ZBTB2: variants seen among roughly 807,000 people sequenced by gnomAD.
ZBTB2 encodes zinc finger and BTB domain containing 2, also known as zinc finger and BTB domain-containing protein 2.
Under a neutral mutation model 39.5 loss-of-function variants are expected in ZBTB2, and 2 were observed. The ratio of observed to expected loss-of-function variants is 0.05; its 90% CI spans 0.02 to 0.16. The LOEUF (loss-of-function observed/expected upper bound fraction) is 0.16, where lower values mean the gene tolerates loss of function less well. ZBTB2 is among the 10% of genes least tolerant of loss of function. The pLI, the probability that ZBTB2 is intolerant of heterozygous loss-of-function variation, is 1.00. For missense variants in ZBTB2, 391 were observed against 653.0 expected (o/e 0.60, Z 4.37); for synonymous variants, 251 against 256.6 (o/e 0.98, Z 0.21).
chr6:151,388,684 T>C (rs2077547430), intron 1 of ZBTB2, among the ~76,000 whole-genome samples: 1 of 152,210 alleles, frequency 6.6e-6, no homozygotes, highest in African/African-American at 2.4e-5. Context: ...CATTTTTCTA[T>C]TATTTTATAT....
chr6:151,372,084 A>G (rs1307819778), intron 2 of ZBTB2, among the ~76,000 whole-genome samples: 2 of 152,200 alleles, frequency 1.3e-5, no homozygotes, highest in African/African-American at 4.8e-5. Flanking sequence ...AGCAGAGGCG[A>G]GATCTAGGAA....
At chr6:151,373,870 A>AAAC (rs1554336607) in intron 1 of ZBTB2, among the ~76,000 whole-genome samples, 1,426 of 123,594 alleles carry the variant, frequency 0.012, 39 homozygotes, top group South Asian at 0.028. Flanking sequence ...AAAAAAAAAA[A>AAAC]AAAAAAACCA....
chr6:151,373,741 T>C, intron 1 of ZBTB2, 92 bp from the exon 2 acceptor site: 8 of 1,214,206 alleles, frequency 6.6e-6, no homozygotes, highest in East Asian at 2.6e-5. Context: ...ATAGCTAACA[T>C]GTCATCATAG....
At chr6:151,372,334 C>A (rs375885114) in intron 2 of ZBTB2, among the ~76,000 whole-genome samples, 1 of 152,024 alleles carries the variant, frequency 6.6e-6, no homozygotes, top group Admixed American at 6.6e-5. Context: ...GGGAGGAAAC[C>A]ACAGCGCGCA....
At chr6:151,378,578 T>C (rs1778964717) in intron 1 of ZBTB2, among the ~76,000 whole-genome samples, 1 of 152,212 alleles carries the variant, frequency 6.6e-6, no homozygotes, top group Non-Finnish European at 1.5e-5. Flanking sequence ...GAAGCTTGTC[T>C]TCAAGGTTAT....
At chr6:151,387,651 A>T (rs1184138785) in intron 1 of ZBTB2, among the ~76,000 whole-genome samples, 1 of 152,226 alleles carries the variant, frequency 6.6e-6, no homozygotes, top group Non-Finnish European at 1.5e-5. Context: ...AAAATCTCTA[A>T]CAAAAGTAAA....
chr6:151,381,932 C>T (rs1051166461), intron 1 of ZBTB2, among the ~76,000 whole-genome samples: 7 of 152,196 alleles, frequency 4.6e-5, no homozygotes, highest in Non-Finnish European at 1.0e-4. Flanking sequence ...AACAGAGATA[C>T]GTTCTGAGAA....
intron 1 of ZBTB2, among the ~76,000 whole-genome samples, chr6:151,375,293 G>C (rs527845935): frequency 3.3e-5 from 5 of 152,192 alleles, no homozygotes; most frequent in Admixed American, 3.3e-4. Context: ...GAAATACATG[G>C]GTGTAAATCT....
At position 151,366,046 on chromosome 6, in the gene ZBTB2, G is replaced by C. The variant is rs754635009; in HGVS notation, c.1020C>G (p.Pro340=). Residue 340 remains proline, a synonymous_variant, in exon 3 of 3, where the codon CCC becomes CCG. Transcript: ENST00000325144. The surrounding 1 kb of genome is among the most constrained non-coding windows in gnomAD (Gnocchi z 7.1). The part of the protein sequence containing the change: ...DGQQQSETPP[P]SDIADIDNLE... ...GGTTGTCAATGTCAGCAATGTCTGA[G>C]GGGGGTGGGGTTTCCGACTGCTGCT... 1.5e-5 allele frequency: 24 copies of C among 1,614,050 alleles called. No homozygotes were observed. In the East Asian group the frequency reaches 3.3e-4, roughly 22 times the overall value.
intron 1 of ZBTB2, among the ~76,000 whole-genome samples, chr6:151,376,010 AC>A (rs1778901106): frequency 6.6e-6 from 1 of 152,200 alleles, no homozygotes; most frequent in Non-Finnish European, 1.5e-5. Flanking sequence ...AAAACTGTGA[AC>A]CCAGAAGTAG....
Position 151,364,588 on chromosome 6 carries a change from A to G in ZBTB2, c.*933T>C, listed in dbSNP as rs1778603796. 1.3e-5 allele frequency: 2 copies of G among 152,256 alleles called. No homozygotes were observed. Among genetic ancestry groups the G allele is most frequent in the South Asian group, 4.1e-4 (2 of 4,834 alleles). The allele number at this position is 152,256 out of a possible 1,614,324, so 9.4% of individuals were successfully genotyped here. On this transcript the variant is annotated 3_prime_UTR_variant, in exon 3 of 3. Transcript: ENST00000325144. The stretch of plus-strand genomic sequence containing the variant: ...TTCTGGTCACAAATTCCCCTGTAAG[A>G]TGAGTATTCCTATATCCTTTTCCCT...
intron 1 of ZBTB2, among the ~76,000 whole-genome samples, chr6:151,379,637 G>GAAAAAAAAAAA (rs61085296): frequency 1.5e-5 from 1 of 65,928 alleles, no homozygotes; most frequent in African/African-American, 5.6e-5. Context: ...GACCCTGTCT[G>GAAAAAAAAAAA]AAAAAAAAAA....
intron 2 of ZBTB2, among the ~76,000 whole-genome samples, chr6:151,371,147 G>A (rs1164096519): frequency 6.6e-6 from 1 of 152,140 alleles, no homozygotes; most frequent in Non-Finnish European, 1.5e-5. Context: ...CCTTAGTATT[G>A]CCAGAGGAGC....
intron 2 of ZBTB2, among the ~76,000 whole-genome samples, chr6:151,371,567 G>C (rs1778789635): frequency 6.6e-6 from 1 of 152,182 alleles, no homozygotes. Context: ...TTAAGGTGAA[G>C]ATGAGGGGTG....
chr6:151,380,619 G>C (rs138504826), intron 1 of ZBTB2, among the ~76,000 whole-genome samples: 1 of 152,152 alleles, frequency 6.6e-6, no homozygotes, highest in Non-Finnish European at 1.5e-5. Context: ...CCAGCCTCAG[G>C]GACTCAGTGG....
At chr6:151,368,949 G>A (rs1484212361) in intron 2 of ZBTB2, among the ~76,000 whole-genome samples, 1 of 150,390 alleles carries the variant, frequency 6.6e-6, no homozygotes, top group African/African-American at 2.5e-5. Context: ...TTTTAGTAGA[G>A]ACAGGATTTC....
In ZBTB2 at chr6:151,365,432, T is replaced by G. The variant is rs1778621676; in HGVS notation, c.*89A>C. The G allele has an allele frequency of 7.0e-7, 1 of 1,431,162 alleles. No homozygotes were observed. Among genetic ancestry groups the G allele is most frequent in the Non-Finnish European group, 9.5e-7 (1 of 1,056,306 alleles). 88.7% of individuals were successfully genotyped at this position (1,431,162 alleles called of 1,614,324 possible). Reference sequence around the variant, plus strand: ...AGAGAACAAGGACCTGTTTGTATCATGCCATGGAGAACTACAGTTCTGAAT... The same window carrying G: ...AGAGAACAAGGACCTGTTTGTATCAGGCCATGGAGAACTACAGTTCTGAAT... On this transcript the variant is annotated 3_prime_UTR_variant, in exon 3 of 3. Transcript: ENST00000325144. The surrounding 1 kb of genome is among the most constrained non-coding windows in gnomAD (Gnocchi z 5.6).
intron 2 of ZBTB2, among the ~76,000 whole-genome samples, chr6:151,367,400 C>A (rs147533442): frequency 6.6e-6 from 1 of 152,250 alleles, no homozygotes; most frequent in Non-Finnish European, 1.5e-5. Context: ...GGATTATAGG[C>A]GTGAGCCACC....
At position 151,373,593 on chromosome 6, in the gene ZBTB2, G is replaced by A. The variant is rs146903484; in HGVS notation, c.45C>T (p.Asn15=). The A allele has an allele frequency of 6.5e-5, 105 of 1,614,076 alleles. No individual in the cohort carries two copies. The highest frequency in any genetic ancestry group is 2.2e-5 in the East Asian group (1 of 44,880). The change falls in exon 2 of 3, where the codon AAC becomes AAT. Residue 15 remains asparagine (N), a synonymous_variant. Coordinates refer to ENST00000325144, the MANE Select transcript of ZBTB2 (RefSeq NM_020861.3). ...NHGLILLQQL[N]AQREFGFLCD... Reference sequence around the variant, plus strand: ...ACAGGAAACCAAACTCTCGCTGAGCGTTTAACTGTTGCAGTAGAATAAGTC... The same window carrying A: ...ACAGGAAACCAAACTCTCGCTGAGCATTTAACTGTTGCAGTAGAATAAGTC...
Sources: gnomAD v4.1 joint callset for allele counts (sites outside exome capture counted in the v4.1 genomes callset) on GRCh38, gnomAD v4.1.1 for gene constraint, Gnocchi (gnomAD v3.1) non-coding constraint, MANE v1.5 for transcripts, NCBI Gene and HGNC (gene_info 2026-07-23, HGNC 2026-07-21) for gene names.